CHKA: variants seen among roughly 807,000 people sequenced by gnomAD.
The protein encoded by CHKA is choline kinase alpha.
A neutral mutation model predicts 60.1 loss-of-function variants in CHKA; 34 were observed. The observed-to-expected ratio is 0.57, with a 90% CI of 0.43 to 0.75. CHKA has a LOEUF of 0.75. Ranked by LOEUF, CHKA falls within the 30% of genes least tolerant of loss-of-function variation. CHKA has a pLI of 0.00. For missense variants in CHKA, 563 were observed against 561.3 expected, an observed-to-expected ratio of 1.00 and a Z score of -0.03; for synonymous variants, 217 against 223.1, an observed-to-expected ratio of 0.97 and a Z score of 0.24.
intron 1 of CHKA, among the ~76,000 whole-genome samples, chr11:68,109,025 A>T (rs796647921): frequency 3.3e-5 from 1 of 30,502 alleles, no homozygotes; most frequent in African/African-American, 1.0e-4. Context: ...GAGGGGGGGA[A>T]AAAATCCCTT....
chr11:68,102,406 T>C (rs564505012), intron 1 of CHKA, among the ~76,000 whole-genome samples: 1 of 152,228 alleles, frequency 6.6e-6, no homozygotes, highest in South Asian at 2.1e-4. Flanking sequence ...TAATCCACAC[T>C]TACAGCTACC....
At position 68,107,170 on chromosome 11, in the gene CHKA, T is replaced by C. The variant is rs1387146079; in HGVS notation, c.351-10040A>G. 2.6e-5 allele frequency among the ~76,000 whole-genome samples: 4 copies of C among 152,028 alleles called. No individual in the cohort carries two copies. In the East Asian group the frequency reaches 7.7e-4, roughly 29 times the overall value. ...GGGAGGCTTAGGCAGGAGAATCGCT[T>C]GAACCTGAGCAGCAGTGATTTCAAT... is the stretch of plus-strand genomic sequence containing the variant. On this transcript the variant is annotated intron_variant, in intron 1 of 11. Transcript: ENST00000265689.
chr11:68,121,001 A>C lies in CHKA; in HGVS notation c.177T>G (p.Pro59=), dbSNP rs2153034768. The change falls in exon 1 of 12, where the codon CCT becomes CCG. Residue 59 remains proline, a synonymous_variant. Transcript: ENST00000265689. The part of the protein sequence containing the change: ...GGQQPPLALP[P]PPPLPLPLPL... Reference sequence around the variant, plus strand: ...GCAGCGGCAGCGGCAGCGGCGGCGGAGGGGGCAGCGCGAGCGGCGGCTGTT... The same window carrying C: ...GCAGCGGCAGCGGCAGCGGCGGCGGCGGGGGCAGCGCGAGCGGCGGCTGTT... 9.0e-7 allele frequency: 1 copy of C among 1,108,000 alleles called. No homozygotes were observed. Among genetic ancestry groups the C allele is most frequent in the Non-Finnish European group, 1.1e-6 (1 of 908,838 alleles). 68.6% of individuals were successfully genotyped at this position (1,108,000 alleles called of 1,614,324 possible).
At chr11:68,091,665 CCCTTAGA>C (rs1041455863) in intron 2 of CHKA, among the ~76,000 whole-genome samples, 21 of 152,148 alleles carry the variant, frequency 1.4e-4, no homozygotes, top group Non-Finnish European at 2.4e-4. Flanking sequence ...TGGCACTTAA[CCCTTAGA>C]GAACTGTACC....
At chr11:68,115,828 T>C (rs1233748838) in intron 1 of CHKA, among the ~76,000 whole-genome samples, 1 of 152,162 alleles carries the variant, frequency 6.6e-6, no homozygotes, top group Non-Finnish European at 1.5e-5. Context: ...AAAATGAAAT[T>C]GAAAATTGTT....
Position 68,061,095 on chromosome 11 carries a change from G to GTTT in CHKA, c.1314+855_1314+857dup, listed in dbSNP as rs757176198. 3.5e-4 allele frequency among the ~76,000 whole-genome samples: 25 copies of GTTT among 70,840 alleles called. 2 individuals are homozygous for GTTT. The highest frequency in any genetic ancestry group is 8.4e-4 in the East Asian group (2 of 2,374). 46.5% of individuals were successfully genotyped at this position (70,840 alleles called of 152,430 possible). ...ACTTTCTATTTCTATGTCAGTGACA[G>GTTT]TTTTTTTTTTTTTTTTTTTTTTTTT... On this transcript the variant is annotated intron_variant, in intron 11 of 11. Coordinates refer to ENST00000265689, the MANE Select transcript of CHKA (RefSeq NM_001277.3).
chr11:68,056,610 A>G (rs1856024927), intron 11 of CHKA, among the ~76,000 whole-genome samples: 1 of 152,228 alleles, frequency 6.6e-6, no homozygotes, highest in Admixed American at 6.5e-5. Context: ...GGCTGACAGG[A>G]AGGTGAACAA....
intron 1 of CHKA, among the ~76,000 whole-genome samples, chr11:68,118,592 T>A (rs1858485223): frequency 6.6e-6 from 1 of 152,220 alleles, no homozygotes; most frequent in Non-Finnish European, 1.5e-5. Flanking sequence ...CCCTTGTGTC[T>A]TTTTTAAAAG....
intron 2 of CHKA, among the ~76,000 whole-genome samples, chr11:68,088,107 T>C (rs909715209): frequency 2.9e-4 from 18 of 61,238 alleles, no homozygotes; most frequent in African/African-American, 1.1e-3. Flanking sequence ...TGGGAGGCTG[T>C]CTCAAAAAAA....
intron 1 of CHKA, among the ~76,000 whole-genome samples, chr11:68,110,645 T>C (rs1166843439): frequency 1.3e-5 from 2 of 152,190 alleles, no homozygotes; most frequent in Non-Finnish European, 2.9e-5. Context: ...GTAGATTTAA[T>C]GCAATCCCAA....
intron 4 of CHKA, among the ~76,000 whole-genome samples, chr11:68,071,615 G>A (rs1387271127): frequency 6.6e-6 from 1 of 152,242 alleles, no homozygotes; most frequent in African/African-American, 2.4e-5. Flanking sequence ...AAAATGCAAA[G>A]AAGTACAGCA....
rs528040912 is a variant in CHKA, at chr11:68,070,158, T to C, written c.869+31A>G. 2.7e-6 allele frequency: 4 copies of C among 1,484,102 alleles called. No individual in the cohort carries two copies. The Admixed American group carries it at 5.1e-5, about 19-fold the overall frequency. The allele number at this position is 1,484,102 out of a possible 1,614,324, so 91.9% of individuals were successfully genotyped here. A position where few individuals can be genotyped will look rare whatever the true frequency, so the allele number is the denominator to read the frequency against. ...ACAACAGTTTTAGTGACTAAGAATA[T>C]TTAAAGTCAGGAAATAGAAGGAAAA... is the stretch of plus-strand genomic sequence containing the variant. On this transcript the variant is annotated intron_variant, in intron 6 of 11. Coordinates refer to ENST00000265689, the MANE Select transcript of CHKA (RefSeq NM_001277.3).
intron 1 of CHKA, among the ~76,000 whole-genome samples, chr11:68,106,979 C>A (rs1262910133): frequency 6.6e-6 from 1 of 152,150 alleles, no homozygotes; most frequent in Non-Finnish European, 1.5e-5. Context: ...TTCGGCCGGG[C>A]ATGGTGGATC....
intron 11 of CHKA, 71 bp downstream of exon 11, chr11:68,061,882 T>C: frequency 9.2e-7 from 1 of 1,083,382 alleles, no homozygotes; most frequent in Non-Finnish European, 1.4e-6. Flanking sequence ...CTGCCAACAT[T>C]CACAAATACT....
intron 2 of CHKA, among the ~76,000 whole-genome samples, chr11:68,096,639 T>C (rs1857525211): frequency 6.6e-6 from 1 of 152,170 alleles, no homozygotes; most frequent in African/African-American, 2.4e-5. Context: ...TCTAAAATCT[T>C]TTGGATAATG....
Position 68,053,721 on chromosome 11 carries a change from C to T in CHKA, c.*267G>A, listed in dbSNP as rs561254127. On this transcript the variant is annotated 3_prime_UTR_variant, in exon 12 of 12. Transcript: ENST00000265689. ...AGCCCCCAAATATGAAATGCCTTCT[C>T]TAGATTAAAAGGATTCAGAGATGTT... is the stretch of plus-strand genomic sequence containing the variant. 54 of 372,274 alleles carry T rather than the reference C, an allele frequency of 1.5e-4. 1 individual carries two copies. The highest frequency in any genetic ancestry group is 2.4e-5 in the Non-Finnish European group (5 of 205,708). The allele number at this position is 372,274 out of a possible 1,614,324, so 23.1% of individuals were successfully genotyped here. A position where few individuals can be genotyped will look rare whatever the true frequency, so the allele number is the denominator to read the frequency against.
chr11:68,072,570 A>G (rs921044666), intron 4 of CHKA, among the ~76,000 whole-genome samples: 1 of 140,960 alleles, frequency 7.1e-6, no homozygotes, highest in African/African-American at 2.6e-5. Flanking sequence ...AAAAAAAAAA[A>G]GCAAATCTAG....
At chr11:68,120,035 C>A (rs373920255) in intron 1 of CHKA, among the ~76,000 whole-genome samples, 1 of 152,108 alleles carries the variant, frequency 6.6e-6, no homozygotes, top group African/African-American at 2.4e-5. Flanking sequence ...TCAAGATCAG[C>A]CTAACGAACA....
At chr11:68,098,844 C>T (rs774032006) in intron 1 of CHKA, among the ~76,000 whole-genome samples, 4 of 150,894 alleles carry the variant, frequency 2.7e-5, no homozygotes, top group Non-Finnish European at 5.9e-5. Flanking sequence ...CAGGTGTATG[C>T]CAGCATGCTT....
Sources: gnomAD v4.1 joint callset for allele counts (sites outside exome capture counted in the v4.1 genomes callset) on GRCh38, gnomAD v4.1.1 for gene constraint, MANE v1.5 for transcripts, NCBI Gene and HGNC (gene_info 2026-07-23, HGNC 2026-07-21) for gene names.